MTG2: variants seen among roughly 807,000 people sequenced by gnomAD.
The protein encoded by MTG2 is mitochondrial ribosome associated GTPase 2.
Under a neutral mutation model 28.6 loss-of-function variants are expected in MTG2, and 23 were observed. That is an observed-to-expected ratio of 0.80 (90% CI 0.58 to 1.14). The LOEUF (loss-of-function observed/expected upper bound fraction) is 1.14. Ranked by LOEUF, MTG2 falls within the 50% of genes most tolerant of loss-of-function variation. MTG2 has a pLI of 0.00. For synonymous variants in MTG2, 260 were observed against 251.8 expected, an observed-to-expected ratio of 1.03 and a Z score of -0.31; for missense variants, 539 against 552.0, an observed-to-expected ratio of 0.98 and a Z score of 0.24.
chr20:62,200,345 G>T, intron 6 of MTG2: 1 of 239,410 alleles, frequency 4.2e-6, no homozygotes, highest in East Asian at 8.8e-5. Flanking sequence ...CAAATGATTA[G>T]TAGAGTACAG....
intron 2 of MTG2, among the ~76,000 whole-genome samples, chr20:62,195,352 T>G (rs1385927678): frequency 6.6e-6 from 1 of 152,190 alleles, no homozygotes; most frequent in Non-Finnish European, 1.5e-5. Context: ...GATTCTAACT[T>G]CCTATTTCTC....
In MTG2 at chr20:62,199,143, T is replaced by C. The variant is rs1299105602; in HGVS notation, c.712T>C (p.Ser238Pro). Reference sequence around the variant, plus strand: ...GGTGGGATTCCCCAACGCCGGGAAGTCCTCACTGCTCCGGGCCATTTCAAA... The same window carrying C: ...GGTGGGATTCCCCAACGCCGGGAAGCCCTCACTGCTCCGGGCCATTTCAAA... ...GMVGFPNAGK[S>P]SLLRAISNAR... is the part of the protein sequence containing the mutation. The change falls in exon 6 of 7, where the codon TCC becomes CCC. Residue 238 changes from serine to proline, a missense_variant. Coordinates refer to ENST00000370823, the MANE Select transcript of MTG2 (RefSeq NM_015666.4). The C allele has an allele frequency of 2.5e-6, 4 of 1,614,058 alleles. No individual in the cohort carries two copies. The highest frequency in any genetic ancestry group is 2.5e-6 in the Non-Finnish European group (3 of 1,180,008).
Position 62,201,185 on chromosome 20 carries a change from G to A in MTG2, c.*108G>A. ...CTTGTGGACACGGGGGAGTTGTGGTGCTTCTGGGTCTCTGGGCCCCGCCTG... is the reference window on the plus strand; with the variant it reads ...CTTGTGGACACGGGGGAGTTGTGGTACTTCTGGGTCTCTGGGCCCCGCCTG... On this transcript the variant is annotated 3_prime_UTR_variant, in exon 7 of 7. Coordinates refer to ENST00000370823, the MANE Select transcript of MTG2 (RefSeq NM_015666.4). 1 of 1,350,990 alleles carries A rather than the reference G, an allele frequency of 7.4e-7. No homozygotes were observed. The highest frequency in any genetic ancestry group is 9.8e-7 in the Non-Finnish European group (1 of 1,021,110). The allele number at this position is 1,350,990 out of a possible 1,614,324, so 83.7% of individuals were successfully genotyped here. A position where few individuals can be genotyped will look rare whatever the true frequency, so the allele number is the denominator to read the frequency against.
intron 1 of MTG2, among the ~76,000 whole-genome samples, chr20:62,185,064 C>G (rs2057812804): frequency 6.6e-6 from 1 of 151,842 alleles, no homozygotes; most frequent in African/African-American, 2.4e-5. Context: ...GAGCCAAGAT[C>G]CCACCATTGC....
At position 62,201,041 on chromosome 20, in the gene MTG2, C is replaced by T. The variant is rs757250378; in HGVS notation, c.1185C>T (p.Ala395=). The change falls in exon 7 of 7, where the codon GCC becomes GCT. Residue 395 remains alanine, a synonymous_variant. Coordinates refer to ENST00000370823, the MANE Select transcript of MTG2 (RefSeq NM_015666.4). ...TGCTGTATGACGCCTACGCGGAGGC[C>T]GAGCTGGGCCAGGGCCGCCAGCCGC... ...LKVLYDAYAE[A]ELGQGRQPLR... 1.5e-5 allele frequency: 24 copies of T among 1,603,194 alleles called. No homozygotes were observed. The highest frequency in any genetic ancestry group is 6.7e-5 in the East Asian group (3 of 44,682).
Position 62,201,185 on chromosome 20 carries a change from G to C in MTG2, c.*108G>C. ...CTTGTGGACACGGGGGAGTTGTGGT[G>C]CTTCTGGGTCTCTGGGCCCCGCCTG... On this transcript the variant is annotated 3_prime_UTR_variant, in exon 7 of 7. Coordinates refer to ENST00000370823, the MANE Select transcript of MTG2 (RefSeq NM_015666.4). 1 of 1,350,990 alleles carries C rather than the reference G, an allele frequency of 7.4e-7. No individual in the cohort carries two copies. The highest frequency in any genetic ancestry group is 9.8e-7 in the Non-Finnish European group (1 of 1,021,110). The allele number at this position is 1,350,990 out of a possible 1,614,324, so 83.7% of individuals were successfully genotyped here. A position where few individuals can be genotyped will look rare whatever the true frequency, so the allele number is the denominator to read the frequency against.
chr20:62,194,947 A>T (rs933736135), intron 2 of MTG2, among the ~76,000 whole-genome samples: 1 of 152,258 alleles, frequency 6.6e-6, no homozygotes, highest in Non-Finnish European at 1.5e-5. Context: ...CTGTAGTCCC[A>T]GCACTTTGGG....
rs886722400 is a variant in MTG2, at chr20:62,193,587, A to G, written c.167A>G (p.Glu56Gly). 4.3e-6 allele frequency: 7 copies of G among 1,613,054 alleles called. No individual in the cohort carries two copies. The highest frequency in any genetic ancestry group is 5.9e-6 in the Non-Finnish European group (7 of 1,179,930). Residue 56 changes from glutamate to glycine, a missense_variant, in exon 2 of 7, where the codon GAA (glutamate) becomes GGA (glycine). Physicochemically the swap from Glu to Gly is moderately conservative, Grantham distance 98. Transcript: ENST00000370823. ...CGTGCGGACCTCGCCAAGCATCAGG[A>G]ACTCCCGGGGAAGAAGCTGCTCTCT... ...VGRADLAKHQ[E>G]LPGKKLLSEK...
chr20:62,198,217 TAAAAAGAGGGAGCCCACGGCA>T, intron 4 of MTG2: 3 of 542,514 alleles, frequency 5.5e-6, no homozygotes, highest in Non-Finnish European at 9.9e-6. Context: ...GATTCTCTTT[TAAAAAGAGGGAGCCCACGGCA>T]CGGACGCTTC....
At position 62,198,867 on chromosome 20, in the gene MTG2, T is replaced by C; in HGVS notation, c.687+15T>C. ...ACGCCGGAATGGTAGGTGTCCCCAC[T>C]GCCAACAGCATCTGCACACACTCAG... On this transcript the variant is annotated intron_variant, in intron 5 of 6. Transcript: ENST00000370823. 6.2e-7 allele frequency: 1 copy of C among 1,613,758 alleles called. No homozygotes were observed. The highest frequency in any genetic ancestry group is 8.5e-7 in the Non-Finnish European group (1 of 1,179,830).
chr20:62,192,821 C>T (rs1304481180), intron 1 of MTG2, among the ~76,000 whole-genome samples: 1 of 152,210 alleles, frequency 6.6e-6, no homozygotes, highest in Non-Finnish European at 1.5e-5. Context: ...GTGTGTTCTT[C>T]TCATTCTATC....
intron 2 of MTG2, chr20:62,194,008 GGCAGGC>G (rs1601093763): frequency 1.8e-5 from 3 of 162,488 alleles, no homozygotes; most frequent in Admixed American, 6.2e-5. Context: ...GGGAGGCTAA[GGCAGGC>G]GGATCACTTG....
chr20:62,197,748 C>G (rs1472283145), intron 3 of MTG2, 104 bp from the exon 4 acceptor site: 2 of 883,068 alleles, frequency 2.3e-6, no homozygotes, highest in East Asian at 2.5e-5. Context: ...TCACTCCATG[C>G]TTCCATACCT....
intron 1 of MTG2, 100 bp from the exon 2 acceptor site, chr20:62,193,316 A>G: frequency 8.6e-7 from 1 of 1,168,046 alleles, no homozygotes; most frequent in South Asian, 1.3e-5. Flanking sequence ...TGTTTCAGAA[A>G]CGTGCACAAA....
chr20:62,191,730 G>T (rs1836003904), intron 1 of MTG2, among the ~76,000 whole-genome samples: 1 of 152,128 alleles, frequency 6.6e-6, no homozygotes, highest in African/African-American at 2.4e-5. Flanking sequence ...TCAGGATGGG[G>T]AGCACCTTGT....
chr20:62,193,683 G>C (rs1481286857), intron 2 of MTG2, 59 bp downstream of exon 2: 61 of 1,488,358 alleles, frequency 4.1e-5, no homozygotes, highest in Middle Eastern at 2.4e-4. Flanking sequence ...CACAGGGTGT[G>C]GTTTCGGGTC....
At chr20:62,192,336 C>T (rs1301265287) in intron 1 of MTG2, among the ~76,000 whole-genome samples, 2 of 152,340 alleles carry the variant, frequency 1.3e-5, no homozygotes, top group East Asian at 1.9e-4. Flanking sequence ...GATGCCACAG[C>T]GGGCACAGGC....
In MTG2 at chr20:62,201,404, C is replaced by T; in HGVS notation, c.*327C>T. On this transcript the variant is annotated 3_prime_UTR_variant, in exon 7 of 7. Transcript: ENST00000370823. ...CGCTGACTCAGGTCTCCGCCATGCA[C>T]GCGTGGACTCTCGGATGAGCTCAGC... The T allele has an allele frequency of 1.5e-5, 5 of 335,442 alleles. No homozygotes were observed. In the South Asian group the frequency reaches 1.6e-4, roughly 11 times the overall value. 20.8% of individuals were successfully genotyped at this position (335,442 alleles called of 1,614,324 possible).
intron 6 of MTG2, among the ~76,000 whole-genome samples, chr20:62,199,602 T>C (rs4616551): frequency 0.35 from 49,117 of 140,334 alleles, 8,855 homozygotes; most frequent in East Asian, 0.66. Context: ...GCCGAGATCA[T>C]GCCACTGCAC....
Sources: allele counts gnomAD v4.1 joint callset (sites outside exome capture counted in the v4.1 genomes callset), GRCh38; gene constraint gnomAD v4.1.1; transcripts MANE v1.5; gene names NCBI Gene and HGNC (gene_info 2026-07-23, HGNC 2026-07-21).